The following MAD2L1BP variants were observed in gnomAD, a reference collection of about 807,000 sequenced individuals.
MAD2L1BP encodes MAD2L1-binding protein.
MAD2L1BP carries 22 observed loss-of-function variants against 28.4 expected under a neutral mutation model. The ratio of observed to expected loss-of-function variants is 0.77; its 90% confidence interval spans 0.55 to 1.10. MAD2L1BP has a LOEUF of 1.10. Among genes scored for constraint, MAD2L1BP ranks in the 50% least tolerant of loss-of-function variants. MAD2L1BP has a pLI of 0.00. For missense variants in MAD2L1BP, 325 were observed against 350.5 expected (o/e 0.93, Z 0.58); for synonymous variants, 146 against 133.7 (o/e 1.09, Z -0.63).
upstream of MAD2L1BP, among the ~76,000 whole-genome samples, chr6:43,632,808 G>A (rs879304182): frequency 1.3e-5 from 2 of 151,692 alleles, no homozygotes; most frequent in Admixed American, 6.6e-5. Flanking sequence ...ATCACCTAAG[G>A]ACAGGAGTTC....
At chr6:43,635,794 C>T, upstream of MAD2L1BP, 2 of 1,372,250 alleles carry the variant, frequency 1.5e-6, no homozygotes, top group South Asian at 1.6e-5. Flanking sequence ...CCCAACTGAG[C>T]CGGAAGTGGA....
rs1308118060 is a variant in MAD2L1BP, at chr6:43,640,722, T to C, written c.*189T>C. 1 of 585,722 alleles carries C rather than the reference T, an allele frequency of 1.7e-6. No homozygotes were observed. The highest frequency in any genetic ancestry group is 3.0e-5 in the East Asian group (1 of 33,574). 36.3% of individuals were successfully genotyped at this position (585,722 alleles called of 1,614,324 possible). A position where few individuals can be genotyped will look rare whatever the true frequency, so the allele number is the denominator to read the frequency against. ...CATGTGGCTGTGACTGTGACTGTAA[T>C]CATTGCTGAACAACATCTCTTTGAA... On this transcript the variant is annotated 3_prime_UTR_variant, in exon 3 of 3. Coordinates refer to ENST00000372171, the MANE Select transcript of MAD2L1BP (RefSeq NM_014628.3).
intron 2 of MAD2L1BP, among the ~76,000 whole-genome samples, chr6:43,639,354 TG>T (rs1216991246): frequency 1.3e-5 from 2 of 152,206 alleles, no homozygotes; most frequent in Non-Finnish European, 2.9e-5. Flanking sequence ...TTAGCCAGGA[TG>T]GTCTTGATCT....
At chr6:43,633,332 C>CTGGCTAAT (rs1016794415), upstream of MAD2L1BP, 2 of 318,380 alleles carry the variant, frequency 6.3e-6, no homozygotes, top group African/African-American at 4.6e-5. Context: ...ACCAGCACGC[C>CTGGCTAAT]TGGCTAATTT....
chr6:43,634,212 C>CTTTTTTTTTT (rs1242463650), upstream of MAD2L1BP, among the ~76,000 whole-genome samples: 1 of 131,904 alleles, frequency 7.6e-6, no homozygotes. Context: ...TTTTTTTTTT[C>CTTTTTTTTTT]TTTTTTTCTT....
At chr6:43,639,931 T>G (rs1770473010) in intron 2 of MAD2L1BP, 90 bp from the exon 3 acceptor site, 4 of 1,194,628 alleles carry the variant, frequency 3.3e-6, no homozygotes, top group Non-Finnish European at 4.6e-6. Flanking sequence ...GTCCTGTAAG[T>G]CTATGTACAC....
chr6:43,632,613 T>C (rs770613865), upstream of MAD2L1BP, among the ~76,000 whole-genome samples: 1 of 151,148 alleles, frequency 6.6e-6, no homozygotes, highest in Non-Finnish European at 1.5e-5. Flanking sequence ...CTCTGGTCCC[T>C]ACTTCCTGAA....
At chr6:43,636,850 G>T in intron 2 of MAD2L1BP, 1 of 612,764 alleles carries the variant, frequency 1.6e-6, no homozygotes, top group Non-Finnish European at 2.8e-6. Context: ...AAACTCACGT[G>T]TTGCATTTGG....
chr6:43,635,997 A>T, intron 1 of MAD2L1BP, 76 bp downstream of exon 1: 2 of 1,408,666 alleles, frequency 1.4e-6, no homozygotes, highest in Non-Finnish European at 1.9e-6. Context: ...CCATTCGTTT[A>T]TCCGCTGGTC....
intron 1 of MAD2L1BP, among the ~76,000 whole-genome samples, chr6:43,630,657 C>T (rs1769853549): frequency 6.6e-6 from 1 of 151,772 alleles, no homozygotes; most frequent in Admixed American, 6.6e-5. Flanking sequence ...GCAGGAGAAT[C>T]GCTTGAACCC....
chr6:43,640,182 C>T lies in MAD2L1BP; in HGVS notation c.474C>T (p.Ala158=). 1 of 1,613,700 alleles carries T rather than the reference C, an allele frequency of 6.2e-7. No individual in the cohort carries two copies. The highest frequency in any genetic ancestry group is 1.1e-5 in the South Asian group (1 of 91,016). ...TGCTGATTCTCCTTGGGGGCAATGC[C>T]CTAAGCCCCAAGGAGTTCTATGAAC... is the stretch of plus-strand genomic sequence containing the variant. The part of the protein sequence containing the change: ...PRVLILLGGN[A]LSPKEFYELD... Residue 158 remains alanine, a synonymous_variant, in exon 3 of 3, where the codon GCC becomes GCT. Transcript: ENST00000372171.
At position 43,640,348 on chromosome 6, in the gene MAD2L1BP, A is replaced by G; in HGVS notation, c.640A>G (p.Met214Val). Reference protein sequence around the residue: ...QAPPLMGTVVMAQGHRNCGED... With the variant: ...QAPPLMGTVVVAQGHRNCGED... ...TCCTCCACTCATGGGCACCGTCGTCATGGCACAGGGACACCGCAACTGTGG... is the reference window on the plus strand; with the variant it reads ...TCCTCCACTCATGGGCACCGTCGTCGTGGCACAGGGACACCGCAACTGTGG... Residue 214 changes from methionine (M) to valine (V), a missense_variant, in exon 3 of 3, where the codon ATG (methionine) becomes GTG (valine). Physicochemically the swap from Met to Val is conservative, Grantham distance 21 (BLOSUM62 1). Coordinates refer to ENST00000372171, the MANE Select transcript of MAD2L1BP (RefSeq NM_014628.3). The G allele has an allele frequency of 6.2e-7, 1 of 1,613,924 alleles. No homozygotes were observed. Among genetic ancestry groups the G allele is most frequent in the South Asian group, 1.1e-5 (1 of 91,040 alleles).
intron 2 of MAD2L1BP, among the ~76,000 whole-genome samples, chr6:43,637,250 A>G (rs1014939829): frequency 5.3e-5 from 8 of 150,764 alleles, no homozygotes. Context: ...TTTTTGGTAG[A>G]GACGGGGTTT....
At chr6:43,638,410 A>T (rs1770374968) in intron 2 of MAD2L1BP, among the ~76,000 whole-genome samples, 1 of 152,124 alleles carries the variant, frequency 6.6e-6, no homozygotes, top group South Asian at 2.1e-4. Flanking sequence ...TCCTTGCGGC[A>T]TCTCAGTTTC....
chr6:43,629,866 A>G (rs897677599), intron 1 of MAD2L1BP: 36 of 1,410,772 alleles, frequency 2.6e-5, no homozygotes, highest in Non-Finnish European at 3.1e-5. Context: ...CATAGTAGTC[A>G]CTGCTTTATT....
chr6:43,638,061 T>C (rs1389965507), intron 2 of MAD2L1BP, among the ~76,000 whole-genome samples: 1 of 151,820 alleles, frequency 6.6e-6, no homozygotes, highest in African/African-American at 2.4e-5. Flanking sequence ...CCACACCTGG[T>C]TAAATTTTGT....
In MAD2L1BP at chr6:43,637,211, C is replaced by T. The variant is rs569954349; in HGVS notation, c.312+565C>T. Reference sequence around the variant, plus strand: ...TCCCCAGTAGCTAGGATTACAGGCACGTGCCACCATGCCCAGCTTATTTTT... The same window carrying T: ...TCCCCAGTAGCTAGGATTACAGGCATGTGCCACCATGCCCAGCTTATTTTT... On this transcript the variant is annotated intron_variant, in intron 2 of 2. Coordinates refer to ENST00000372171, the MANE Select transcript of MAD2L1BP (RefSeq NM_014628.3). Among the ~76,000 whole-genome samples, 312 of 150,180 alleles carry T rather than the reference C, an allele frequency of 2.1e-3. 1 individual carries two copies. Among genetic ancestry groups the T allele is most frequent in the Middle Eastern group, 0.011 (3 of 276 alleles).
chr6:43,636,626 T>A lies in MAD2L1BP; in HGVS notation c.292T>A (p.Tyr98Asn), dbSNP rs893351996. 2 of 1,612,896 alleles carry A rather than the reference T, an allele frequency of 1.2e-6. No homozygotes were observed. Among genetic ancestry groups the A allele is most frequent in the African/African-American group, 2.7e-5 (2 of 74,910 alleles). ...GCCCTATGAACAGCTTAAGCACTTT[T>A]ACCGAAAACCTTCTCCCCAGGTAGG... ...PLPYEQLKHFYRKPSPQAEEM... is the reference protein window; with the variant it reads ...PLPYEQLKHFNRKPSPQAEEM... Residue 98 changes from tyrosine to asparagine, a missense_variant, in exon 2 of 3, where the codon TAC becomes AAC. Tyr to Asn is a moderately radical substitution (Grantham distance 143, BLOSUM62 -2). Transcript: ENST00000372171.
rs556316591 is a variant in MAD2L1BP, at chr6:43,640,182, C to G, written c.474C>G (p.Ala158=). ...PRVLILLGGN[A]LSPKEFYELD... Reference sequence around the variant, plus strand: ...TGCTGATTCTCCTTGGGGGCAATGCCCTAAGCCCCAAGGAGTTCTATGAAC... The same window carrying G: ...TGCTGATTCTCCTTGGGGGCAATGCGCTAAGCCCCAAGGAGTTCTATGAAC... The change falls in exon 3 of 3, where the codon GCC becomes GCG. Residue 158 remains alanine, a synonymous_variant. Coordinates refer to ENST00000372171, the MANE Select transcript of MAD2L1BP (RefSeq NM_014628.3). 6.2e-7 allele frequency: 1 copy of G among 1,613,700 alleles called. No individual in the cohort carries two copies. The highest frequency in any genetic ancestry group is 1.1e-5 in the South Asian group (1 of 91,016).
Sources: gnomAD v4.1 joint callset for allele counts (sites outside exome capture counted in the v4.1 genomes callset) on GRCh38, gnomAD v4.1.1 for gene constraint, MANE v1.5 for transcripts, NCBI Gene and HGNC (gene_info 2026-07-23, HGNC 2026-07-21) for gene names.